The following IL4I1 variants were observed in gnomAD, a reference collection of about 807,000 sequenced individuals.
The protein encoded by IL4I1 is L-amino-acid oxidase.
IL4I1 carries 24 observed loss-of-function variants against 29.7 expected under a neutral mutation model. That is an observed-to-expected ratio of 0.81 (90% CI 0.59 to 1.14). IL4I1 has a LOEUF of 1.14. Ranked by LOEUF, IL4I1 falls within the 50% of genes most tolerant of loss-of-function variation. The pLI, the probability that IL4I1 is intolerant of heterozygous loss-of-function variation, is 0.00. For synonymous variants in IL4I1, 371 were observed against 352.5 expected, an observed-to-expected ratio of 1.05 and a Z score of -0.59; for missense variants, 686 against 785.6, an observed-to-expected ratio of 0.87 and a Z score of 1.52.
rs1401257568 is a variant in IL4I1 at position 49,890,062 on chromosome 19, T to C, written c.1312A>G (p.Thr438Ala). The C allele has an allele frequency of 6.5e-7, 1 of 1,549,620 alleles. No homozygotes were observed. The highest frequency in any genetic ancestry group is 8.7e-7 in the Non-Finnish European group (1 of 1,147,154). Residue 438 changes from threonine to alanine, a missense_variant, in exon 8 of 8, where the codon ACC becomes GCC. By Grantham distance (58) the Thr-to-Ala change is moderately conservative. Transcript: ENST00000391826. ...TCCGCCCAACGCTTGACGACGCCGG[T>C]GCCGTCCCAGAGCTGGCGCACGACA... ...GPVVRQLWDG[T>A]GVVKRWAEDQ...
intron 2 of IL4I1, among the ~76,000 whole-genome samples, chr19:49,911,586 G>T (rs746549994): frequency 2.2e-4 from 34 of 151,950 alleles, no homozygotes; most frequent in Non-Finnish European, 1.3e-4. Flanking sequence ...TTCCTCACAG[G>T]CCCCTAAGTT....
In IL4I1 at chr19:49,914,186, A is replaced by C. The variant is rs1290741; in HGVS notation, c.-227-9865T>G. ...AAAACAAAAAGCCACAAATACTAGA[A>C]CTTGGGAAGTTTCTCACAAATGCAA... On this transcript the variant is annotated intron_variant, in intron 2 of 9. Coordinates refer to the IL4I1 transcript ENST00000341114. Among the ~76,000 whole-genome samples, 498 of 152,308 alleles carry C rather than the reference A, an allele frequency of 3.3e-3. 3 individuals are homozygous for C. Among genetic ancestry groups the C allele is most frequent in the African/African-American group, 0.011 (463 of 41,570 alleles).
intron 1 of IL4I1, chr19:49,929,036 TCC>T (rs2075989447): frequency 6.6e-6 from 1 of 151,578 alleles, no homozygotes; most frequent in Admixed American, 6.6e-5. Context: ...GGGAGGAGGG[TCC>T]CGGACCCTAG....
intron 3 of IL4I1, among the ~76,000 whole-genome samples, chr19:49,903,505 T>C (rs1394914313): frequency 6.6e-6 from 1 of 152,190 alleles, no homozygotes; most frequent in Non-Finnish European, 1.5e-5. Flanking sequence ...GGCTGGCTGC[T>C]GTGCAAGAAG....
chr19:49,901,245 G>T (rs973051764), upstream of IL4I1, among the ~76,000 whole-genome samples: 8 of 152,288 alleles, frequency 5.3e-5, 1 homozygote, highest in South Asian at 1.0e-3. Context: ...TTAGCCGGGC[G>T]TGGTGGCGGG....
At chr19:49,890,931 C>A (rs958697687) in intron 7 of IL4I1, 40 bp downstream of exon 7, 6 of 402,698 alleles carry the variant, frequency 1.5e-5, no homozygotes, top group Admixed American at 1.4e-4. Flanking sequence ...CCCTGATTGC[C>A]CCCCGCCCCC....
rs371422304 is a variant in IL4I1 at position 49,890,457 on chromosome 19, G to A, written c.917C>T (p.Pro306Leu). The A allele has an allele frequency of 1.2e-6, 2 of 1,611,782 alleles. No homozygotes were observed. Among genetic ancestry groups the A allele is most frequent in the Non-Finnish European group, 1.7e-6 (2 of 1,179,784 alleles). ...DVHVQIETSP[P>L]ARNLKVLKAD... ...CTTCAGCACCTTCAGATTCCGCGCC[G>A]GGGGAGAGGTCTCGATCTGCACGTG... The change falls in exon 8 of 8, where the codon CCG becomes CTG. Residue 306 changes from proline to leucine, a missense_variant. By Grantham distance (98) the Pro-to-Leu change is moderately conservative (BLOSUM62 -3). Coordinates refer to ENST00000391826, the MANE Select transcript of IL4I1 (RefSeq NM_152899.2).
rs2075295943 is a variant in IL4I1, at chr19:49,904,191, A to AGATTCACCTTTAAAAGCCTCT, written c.-118_-105+7dup. 2 of 152,170 alleles carry AGATTCACCTTTAAAAGCCTCT rather than the reference A, an allele frequency of 1.3e-5. 1 individual carries two copies. The highest frequency in any genetic ancestry group is 2.9e-5 in the Non-Finnish European group (2 of 68,012). 9.4% of individuals were successfully genotyped at this position (152,170 alleles called of 1,614,324 possible). A position where few individuals can be genotyped will look rare whatever the true frequency, so the allele number is the denominator to read the frequency against. ...GGGGAAAGCAAAGCAGTAAGAGCTG[A>AGATTCACCTTTAAAAGCCTCT]GATTCACCTTTAAAAGCCTCTGATT... On this transcript the variant is annotated splice_region_variant and intron_variant, in intron 3 of 9. Coordinates refer to the IL4I1 transcript ENST00000341114.
At chr19:49,890,845 G>C in intron 7 of IL4I1, 126 bp downstream of exon 7, 1 of 879,240 alleles carries the variant, frequency 1.1e-6, no homozygotes, top group Non-Finnish European at 1.7e-6. Flanking sequence ...TTAGCCCCGC[G>C]ACCATCAATT....
rs933599980 is a variant in IL4I1 at position 49,890,084 on chromosome 19, G to T, written c.1290C>A (p.Val430=). 1.2e-5 allele frequency: 19 copies of T among 1,547,502 alleles called. No individual in the cohort carries two copies. Among genetic ancestry groups the T allele is most frequent in the Non-Finnish European group, 1.5e-5 (17 of 1,146,676 alleles). Residue 430 remains valine (V), a synonymous_variant, in exon 8 of 8, where the codon GTC becomes GTA. Transcript: ENST00000391826. ...LDDVAALHGP[V]VRQLWDGTGV... is the part of the protein sequence containing the mutation. ...CGGTGCCGTCCCAGAGCTGGCGCAC[G>T]ACAGGCCCGTGCAATGCCGCCACGT...
chr19:49,893,474 C>G (rs1051992525), intron 5 of IL4I1, among the ~76,000 whole-genome samples: 1 of 151,324 alleles, frequency 6.6e-6, no homozygotes, highest in African/African-American at 2.4e-5. Context: ...ATGGGGGCAC[C>G]GGGAGGAGGA....
In IL4I1 at chr19:49,921,971, C is replaced by T. The variant is rs2075775350; in HGVS notation, c.-228+5723G>A. Among the ~76,000 whole-genome samples, 1 of 152,204 alleles carries T rather than the reference C, an allele frequency of 6.6e-6. No individual in the cohort carries two copies. The highest frequency in any genetic ancestry group is 6.5e-5 in the Admixed American group (1 of 15,288). On this transcript the variant is annotated intron_variant, in intron 2 of 9. Coordinates refer to the IL4I1 transcript ENST00000341114. The surrounding 1 kb of genome is among the most constrained non-coding windows in gnomAD (Gnocchi z 5.4). ...CGAGAAAGCAGCCCCGACGGCAGGG[C>T]CCTAGGGCCCCAGGCCAGGCCACCA...
chr19:49,924,316 G>A (rs765597949), intron 2 of IL4I1, among the ~76,000 whole-genome samples: 5 of 152,126 alleles, frequency 3.3e-5, no homozygotes, highest in Admixed American at 6.5e-5. Context: ...AGATTCTCAG[G>A]GTCCTGCACG....
chr19:49,916,248 G>A (rs2122680005), intron 2 of IL4I1, among the ~76,000 whole-genome samples: 2 of 152,284 alleles, frequency 1.3e-5, no homozygotes, highest in South Asian at 4.1e-4. Flanking sequence ...TTGGCCAAGT[G>A]TGGTGGCTCA....
At chr19:49,911,161 CAA>C (rs972678240) in intron 2 of IL4I1, 1 of 152,232 alleles carries the variant, frequency 6.6e-6, no homozygotes, top group African/African-American at 2.4e-5. Context: ...TTTGTCCTCT[CAA>C]AGTGCCAGGA....
At chr19:49,920,787 G>A (rs2075747734) in intron 2 of IL4I1, among the ~76,000 whole-genome samples, 1 of 152,222 alleles carries the variant, frequency 6.6e-6, no homozygotes, top group Non-Finnish European at 1.5e-5. Context: ...GAGAGGGACT[G>A]AGGCATCAGG....
At chr19:49,892,914 G>T (rs1488792075) in intron 5 of IL4I1, among the ~76,000 whole-genome samples, 1 of 152,186 alleles carries the variant, frequency 6.6e-6, no homozygotes, top group Non-Finnish European at 1.5e-5. Flanking sequence ...ATCAGGGAAG[G>T]CTTCCTGGAG....
chr19:49,890,906 A>G (rs1310511190), intron 7 of IL4I1, 65 bp downstream of exon 7: 2 of 1,155,022 alleles, frequency 1.7e-6, no homozygotes, highest in African/African-American at 2.0e-5. Flanking sequence ...GGCTCCTCCC[A>G]CTCCCTGCTA....
intron 1 of IL4I1, chr19:49,929,227 T>C (rs972927982): frequency 4.6e-5 from 7 of 153,004 alleles, no homozygotes; most frequent in African/African-American, 1.7e-4. Context: ...CGGATCACAG[T>C]CTCTTCTCAC....
Sources: allele counts gnomAD v4.1 joint callset (sites outside exome capture counted in the v4.1 genomes callset), GRCh38; gene constraint gnomAD v4.1.1; non-coding constraint Gnocchi (gnomAD v3.1); transcripts MANE v1.5; gene names NCBI Gene and HGNC (gene_info 2026-07-23, HGNC 2026-07-21).